The following TMEM37 variants were observed in gnomAD, a reference collection of about 807,000 sequenced individuals.
The protein encoded by TMEM37 is voltage-dependent calcium channel gamma-like subunit.
In TMEM37, 12 loss-of-function variants were observed where a neutral mutation model predicts 11.0. The ratio of observed to expected loss-of-function variants is 1.09; its 90% CI spans 0.70 to 1.76. The LOEUF is 1.76. TMEM37 is among the 40% of genes most tolerant of loss of function. TMEM37 has a pLI of 0.00. For synonymous variants in TMEM37, 127 were observed against 110.5 expected (o/e 1.15, Z -0.94); for missense variants, 203 against 251.2 (o/e 0.81, Z 1.30).
rs754664089 is a variant in TMEM37 at position 119,437,266 on chromosome 2, G to A, written c.399G>A (p.Val133=). 24 of 1,614,132 alleles carry A rather than the reference G, an allele frequency of 1.5e-5. No homozygotes were observed. Among genetic ancestry groups the A allele is most frequent in the Middle Eastern group, 1.6e-4 (1 of 6,084 alleles). ...TCATGGGTTCCATCCTCCTCCTGGT[G>A]TCTTTCGTCCTCTCCTCCGGCGGGC... is the stretch of plus-strand genomic sequence containing the variant. ...KWVMGSILLL[V]SFVLSSGGLL... is the part of the protein sequence containing the mutation. Residue 133 remains valine, a synonymous_variant, in exon 2 of 2, where the codon GTG becomes GTA. Coordinates refer to ENST00000306406, the MANE Select transcript of TMEM37 (RefSeq NM_183240.3).
chr2:119,431,642 TCCC>T (rs140280754), upstream of TMEM37, among the ~76,000 whole-genome samples: 19,880 of 152,074 alleles, frequency 0.13, 1,581 homozygotes, highest in East Asian at 0.31. Context: ...GAGGGATCCC[TCCC>T]CCCAAGTGCC....
At chr2:119,433,942 C>T (rs1234372103) in intron 1 of TMEM37, among the ~76,000 whole-genome samples, 1 of 152,064 alleles carries the variant, frequency 6.6e-6, no homozygotes, top group Non-Finnish European at 1.5e-5. Context: ...GGGAGCGGCC[C>T]GTGTACCATG....
rs190253660 is a variant in TMEM37, at chr2:119,437,889, A to G, written c.*449A>G. The G allele has an allele frequency of 3.1e-5, 5 of 161,640 alleles. No individual in the cohort carries two copies. Among genetic ancestry groups the G allele is most frequent in the African/African-American group, 1.2e-4 (5 of 40,146 alleles). The allele number at this position is 161,640 out of a possible 1,614,324, so 10.0% of individuals were successfully genotyped here. A position where few individuals can be genotyped will look rare whatever the true frequency, so the allele number is the denominator to read the frequency against. ...CTCCCAGGGTTGTTAAGAATGGATC[A>G]TTCTTCCAGCTAAGGGTCCAATCAG... On this transcript the variant is annotated 3_prime_UTR_variant, in exon 2 of 2. Coordinates refer to ENST00000306406, the MANE Select transcript of TMEM37 (RefSeq NM_183240.3).
chr2:119,431,823 G>A, upstream of TMEM37: 1 of 1,177,190 alleles, frequency 8.5e-7, no homozygotes, highest in Non-Finnish European at 1.1e-6. Context: ...CCGCCCCTGC[G>A]GAGAAGTCCC....
upstream of TMEM37, among the ~76,000 whole-genome samples, chr2:119,431,110 T>C (rs974565919): frequency 2.0e-5 from 3 of 151,816 alleles, no homozygotes; most frequent in Non-Finnish European, 4.4e-5. Flanking sequence ...GATCGCGTCA[T>C]TGCACTCCAG....
Position 119,438,360 on chromosome 2 carries a change from G to A in TMEM37, c.*920G>A, listed in dbSNP as rs1197473582. On this transcript the variant is annotated 3_prime_UTR_variant, in exon 2 of 2. Transcript: ENST00000306406. ...CTAGACCTGCTGGACTCTGCAGGGG[G>A]TGAGGGGGAACAGCGAGAGCTTGGG... 6.6e-6 allele frequency: 1 copy of A among 152,272 alleles called. No homozygotes were observed. The highest frequency in any genetic ancestry group is 1.5e-5 in the Non-Finnish European group (1 of 68,054). The allele number at this position is 152,272 out of a possible 1,614,324, so 9.4% of individuals were successfully genotyped here.
intron 1 of TMEM37, among the ~76,000 whole-genome samples, chr2:119,433,726 T>C (rs549743515): frequency 6.6e-6 from 1 of 152,264 alleles, no homozygotes; most frequent in East Asian, 1.9e-4. Flanking sequence ...AGTGATTGCC[T>C]AAAGGTACCC....
chr2:119,436,390 G>A (rs79970005), intron 1 of TMEM37, among the ~76,000 whole-genome samples: 6,446 of 152,268 alleles, frequency 0.042, 431 homozygotes, highest in African/African-American at 0.14. Context: ...CATCAGGTGG[G>A]TGGGGATTAG....
chr2:119,433,104 A>C (rs532831781), intron 1 of TMEM37, among the ~76,000 whole-genome samples: 2 of 152,288 alleles, frequency 1.3e-5, no homozygotes, highest in South Asian at 4.2e-4. Context: ...AGGGAGAGAG[A>C]CTTGGAAACA....
At chr2:119,431,267 C>A (rs1027297886), upstream of TMEM37, among the ~76,000 whole-genome samples, 2 of 152,212 alleles carry the variant, frequency 1.3e-5, no homozygotes, top group South Asian at 2.1e-4. Context: ...CAGGGTTTTA[C>A]ATCCCCTTTT....
intron 1 of TMEM37, among the ~76,000 whole-genome samples, chr2:119,433,526 TG>T (rs1682443494): frequency 6.6e-6 from 1 of 152,076 alleles, no homozygotes; most frequent in South Asian, 2.1e-4. Flanking sequence ...TTTGTCTACC[TG>T]GGGGTGCTTT....
At chr2:119,436,453 G>A (rs191573560) in intron 1 of TMEM37, among the ~76,000 whole-genome samples, 4 of 152,254 alleles carry the variant, frequency 2.6e-5, no homozygotes, top group African/African-American at 9.6e-5. Flanking sequence ...GTGTATTGGT[G>A]TGCTAATGTC....
At chr2:119,430,715 G>A (rs970519890), upstream of TMEM37, among the ~76,000 whole-genome samples, 3 of 152,200 alleles carry the variant, frequency 2.0e-5, no homozygotes, top group African/African-American at 7.2e-5. Flanking sequence ...TTAGTGAGGG[G>A]CCTTGTTTTA....
chr2:119,433,558 G>A (rs1347124569), intron 1 of TMEM37, among the ~76,000 whole-genome samples: 1 of 152,166 alleles, frequency 6.6e-6, no homozygotes, highest in East Asian at 1.9e-4. Flanking sequence ...AACACATGAG[G>A]CCCTGGGTTA....
chr2:119,432,205 A>C, intron 1 of TMEM37: 1 of 350,728 alleles, frequency 2.9e-6, no homozygotes, highest in Non-Finnish European at 5.1e-6. Flanking sequence ...CCCAAACTTC[A>C]TTTGGAAAGA....
upstream of TMEM37, chr2:119,429,939 G>C: frequency 6.4e-7 from 1 of 1,550,560 alleles, no homozygotes; most frequent in Non-Finnish European, 8.7e-7. Flanking sequence ...GACCCGACCT[G>C]ACTGTTCTTC....
At chr2:119,433,401 C>T (rs1682441402) in intron 1 of TMEM37, among the ~76,000 whole-genome samples, 1 of 152,152 alleles carries the variant, frequency 6.6e-6, no homozygotes, top group African/African-American at 2.4e-5. Context: ...CTGTGAACTT[C>T]CAGGATGTTG....
rs1463125552 is a variant in TMEM37 at position 119,433,765 on chromosome 2, A to C, written c.21+1841A>C. 2.0e-5 allele frequency among the ~76,000 whole-genome samples: 3 copies of C among 152,132 alleles called. No homozygotes were observed. In the East Asian group the frequency reaches 5.8e-4, roughly 29 times the overall value. On this transcript the variant is annotated intron_variant, in intron 1 of 1. Coordinates refer to ENST00000306406, the MANE Select transcript of TMEM37 (RefSeq NM_183240.3). ...AGGGGTCCTCTAGGTCAGGGGCAGG[A>C]CTTGACCTCCCCGCTCCCTTCTTTT...
In TMEM37 at chr2:119,436,796, G is replaced by T. The variant is rs1405283708; in HGVS notation, c.22-93G>T. The T allele has an allele frequency of 3.0e-6, 3 of 1,014,028 alleles. No individual in the cohort carries two copies. The Admixed American group carries it at 6.5e-5, about 22-fold the overall frequency. 62.8% of individuals were successfully genotyped at this position (1,014,028 alleles called of 1,614,324 possible). On this transcript the variant is annotated intron_variant, in intron 1 of 1. Transcript: ENST00000306406. ...CAAGCAGAGAATAAGACAGTGCGGAGCAGGATGGAGGGCTCAGGGGTCTTC... is the reference window on the plus strand; with the variant it reads ...CAAGCAGAGAATAAGACAGTGCGGATCAGGATGGAGGGCTCAGGGGTCTTC...
Sources: allele counts gnomAD v4.1 joint callset (sites outside exome capture counted in the v4.1 genomes callset), GRCh38; gene constraint gnomAD v4.1.1; transcripts MANE v1.5; gene names NCBI Gene and HGNC (gene_info 2026-07-23, HGNC 2026-07-21).